ADAM8: variants seen among roughly 807,000 people sequenced by gnomAD.
ADAM8 encodes the protein ADAM metallopeptidase domain 8.
A neutral mutation model predicts 102.4 loss-of-function variants in ADAM8; 104 were observed. That is an observed-to-expected ratio of 1.02 (90% CI 0.87 to 1.20). ADAM8 has a LOEUF of 1.20. Ranked by LOEUF, ADAM8 falls within the 50% of genes most tolerant of loss-of-function variation. ADAM8 has a pLI of 0.00. For synonymous variants in ADAM8, 517 were observed against 485.2 expected, an observed-to-expected ratio of 1.07 and a Z score of -0.86; for missense variants, 1,132 against 1,159.0, an observed-to-expected ratio of 0.98 and a Z score of 0.34.
At chr10:133,268,535 CA>C in intron 19 of ADAM8, among the ~76,000 whole-genome samples, 1 of 152,234 alleles carries the variant, frequency 6.6e-6, no homozygotes. Context: ...GCCCCAGCCT[CA>C]GGGGAAGGTG....
At chr10:133,275,781 G>T (rs918203887) in intron 1 of ADAM8, 194 bp from the exon 2 acceptor site, 1 of 517,836 alleles carries the variant, frequency 1.9e-6, no homozygotes, top group Non-Finnish European at 3.3e-6. Flanking sequence ...AGGCATGGCC[G>T]GTGGGCCTGT....
chr10:133,273,607 G>T, intron 5 of ADAM8, 155 bp downstream of exon 5: 1 of 1,257,962 alleles, frequency 7.9e-7, no homozygotes, highest in Non-Finnish European at 1.1e-6. Flanking sequence ...TGAGCCTCTT[G>T]GGCTTGGCGT....
intron 2 of ADAM8, among the ~76,000 whole-genome samples, 199 bp downstream of exon 2, chr10:133,275,285 T>A (rs930280846): frequency 2.0e-5 from 3 of 151,974 alleles, no homozygotes; most frequent in African/African-American, 7.3e-5. Flanking sequence ...TCCATAGAGC[T>A]CCTGAAGGAA....
rs1228478910 is a variant in ADAM8, at chr10:133,263,160, G to A, written c.2471C>T (p.Pro824Leu). 2.5e-6 allele frequency: 4 copies of A among 1,613,886 alleles called. No individual in the cohort carries two copies. The highest frequency in any genetic ancestry group is 3.4e-6 in the Non-Finnish European group (4 of 1,179,918). Residue 824 changes from proline (P) to leucine (L), a missense_variant, in exon 23 of 23, where the codon CCC becomes CTC. Physicochemically the swap from Pro to Leu is moderately conservative, Grantham distance 98. Transcript: ENST00000445355. Reference sequence around the variant, plus strand: ...CACACAGGCGCAGGTGCCCCCCTAGGGTGCTGTGGGAGCTCCGGCTCCTTG... The same window carrying A: ...CACACAGGCGCAGGTGCCCCCCTAGAGTGCTGTGGGAGCTCCGGCTCCTTG... ...RKQGAGAPTA[P>L]
Position 133,272,500 on chromosome 10 carries a change from G to C in ADAM8, c.791C>G (p.Pro264Arg), listed in dbSNP as rs373307454. 188 of 1,612,162 alleles carry C rather than the reference G, an allele frequency of 1.2e-4. No individual in the cohort carries two copies. Among genetic ancestry groups the C allele is most frequent in the Admixed American group, 1.2e-4 (7 of 59,960 alleles). The change falls in exon 9 of 23, where the codon CCC (proline) becomes CGC (arginine). Residue 264 changes from proline (P) to arginine (R), a missense_variant. Pro to Arg is a moderately radical substitution (Grantham distance 103, BLOSUM62 -2). Transcript: ENST00000445355. ...CAGGAGGTTCTCCAGTGTGACACTG[G>C]GGTCGGGGCTGACGTGGAACCTGTC... ...SQDRFHVSPD[P>R]SVTLENLLTW...
intron 19 of ADAM8, 23 bp downstream of exon 19, chr10:133,268,725 G>A (rs770525462): frequency 1.7e-5 from 27 of 1,600,482 alleles, no homozygotes; most frequent in South Asian, 1.1e-4. Flanking sequence ...GCCACCCTCC[G>A]TCACAGCCCC....
Position 133,270,345 on chromosome 10 carries a change from G to A in ADAM8, c.1785+15C>T. On this transcript the variant is annotated intron_variant, in intron 16 of 22. Coordinates refer to ENST00000445355, the MANE Select transcript of ADAM8 (RefSeq NM_001109.5). ...ATGCCTGGGGGGTGGCGCGGCCTCT[G>A]AGCCAGGGGCTCACCTTCTCTGGTC... 6.4e-7 allele frequency: 1 copy of A among 1,573,968 alleles called. No individual in the cohort carries two copies. The highest frequency in any genetic ancestry group is 2.3e-5 in the East Asian group (1 of 44,000).
chr10:133,266,719 G>C (rs1268302284), intron 21 of ADAM8, among the ~76,000 whole-genome samples: 1 of 152,204 alleles, frequency 6.6e-6, no homozygotes, highest in African/African-American at 2.4e-5. Flanking sequence ...AGCTGAGTCA[G>C]TGGCCCCAGG....
Position 133,267,912 on chromosome 10 carries a change from C to A in ADAM8, c.2253+17G>T. On this transcript the variant is annotated intron_variant, in intron 20 of 22. Coordinates refer to ENST00000445355, the MANE Select transcript of ADAM8 (RefSeq NM_001109.5). ...CACTGCTTTCGGCCTCATGAACCCG[C>A]CAGGGGTGGTGCTTACAGCAGGGGG... 7.9e-7 allele frequency: 1 copy of A among 1,258,862 alleles called. No individual in the cohort carries two copies. The highest frequency in any genetic ancestry group is 1.0e-6 in the Non-Finnish European group (1 of 996,530). The allele number at this position is 1,258,862 out of a possible 1,614,324, so 78.0% of individuals were successfully genotyped here.
intron 21 of ADAM8, among the ~76,000 whole-genome samples, 167 bp downstream of exon 21, chr10:133,267,185 C>A (rs1846350430): frequency 6.6e-6 from 1 of 152,184 alleles, no homozygotes; most frequent in Admixed American, 6.5e-5. Flanking sequence ...GCCTCGCTGA[C>A]CTGCCTTTCT....
In ADAM8 at chr10:133,272,173, C is replaced by A; in HGVS notation, c.957+20G>T. 1.9e-6 allele frequency: 3 copies of A among 1,549,568 alleles called. No homozygotes were observed. Among genetic ancestry groups the A allele is most frequent in the Non-Finnish European group, 2.6e-6 (3 of 1,146,452 alleles). On this transcript the variant is annotated intron_variant, in intron 10 of 22. Coordinates refer to ENST00000445355, the MANE Select transcript of ADAM8 (RefSeq NM_001109.5). Reference sequence around the variant, plus strand: ...CAGCTCTGGCCTCGGCCTGGCAAACCCGGGCAGGAGCCCCCTCACCTGGTT... The same window carrying A: ...CAGCTCTGGCCTCGGCCTGGCAAACACGGGCAGGAGCCCCCTCACCTGGTT...
rs1221762260 is a variant in ADAM8 at position 133,273,789 on chromosome 10, G to C, written c.356C>G (p.Ala119Gly). The C allele has an allele frequency of 6.5e-7, 1 of 1,548,990 alleles. No homozygotes were observed. The highest frequency in any genetic ancestry group is 8.7e-7 in the Non-Finnish European group (1 of 1,146,828). The change falls in exon 5 of 23, where the codon GCC becomes GGC. Residue 119 changes from alanine (A) to glycine (G), a missense_variant. Transcript: ENST00000445355. ...GHVEGYPDSA[A>G]SLSTCAGLRG... Reference sequence around the variant, plus strand: ...GAGGCCGGCACAGGTGCTGAGGCTGGCGGCTGAGTCCGGGTACCCCTCTAC... The same window carrying C: ...GAGGCCGGCACAGGTGCTGAGGCTGCCGGCTGAGTCCGGGTACCCCTCTAC...
chr10:133,271,979 G>A, intron 10 of ADAM8, 25 bp from the exon 11 acceptor site: 1 of 1,600,654 alleles, frequency 6.2e-7, no homozygotes, highest in Non-Finnish European at 8.5e-7. Context: ...GTGCTCTCAG[G>A]AACCATGTGG....
At chr10:133,274,555 C>A (rs1283890555) in intron 2 of ADAM8, among the ~76,000 whole-genome samples, 1 of 151,344 alleles carries the variant, frequency 6.6e-6, no homozygotes, top group African/African-American at 2.4e-5. Flanking sequence ...AGGCGACCGG[C>A]GGAGCCCAGC....
intron 21 of ADAM8, 98 bp downstream of exon 21, chr10:133,267,254 G>T: frequency 7.4e-7 from 1 of 1,346,014 alleles, no homozygotes; most frequent in Non-Finnish European, 1.0e-6. Context: ...GGGGCCACCT[G>T]GGGATCCCTG....
rs576947417 is a variant in ADAM8 at position 133,263,137 on chromosome 10, C to G, written c.*19G>C. ...CTGCCGCAACTTCTCCAAATTTCCA[C>G]ACAGGCGCAGGTGCCCCCCTAGGGT... On this transcript the variant is annotated 3_prime_UTR_variant, in exon 23 of 23. Transcript: ENST00000445355. The G allele has an allele frequency of 6.2e-7, 1 of 1,614,056 alleles. No individual in the cohort carries two copies. Among genetic ancestry groups the G allele is most frequent in the East Asian group, 2.2e-5 (1 of 44,892 alleles).
chr10:133,269,063 A>T (rs144810725), intron 18 of ADAM8: 12 of 985,450 alleles, frequency 1.2e-5, no homozygotes, highest in Middle Eastern at 1.0e-3. Flanking sequence ...CCTGGGCCAC[A>T]GTGCTGTGGG....
chr10:133,273,161 C>A, intron 6 of ADAM8, 93 bp downstream of exon 6: 1 of 1,579,868 alleles, frequency 6.3e-7, no homozygotes, highest in Non-Finnish European at 8.6e-7. Flanking sequence ...AGACAATGGG[C>A]AGCACCCAGC....
intron 22 of ADAM8, 25 bp from the exon 23 acceptor site, chr10:133,263,258 T>C (rs778000373): frequency 2.5e-6 from 4 of 1,569,802 alleles, no homozygotes; most frequent in Non-Finnish European, 3.5e-6. Flanking sequence ...AGATAATTGA[T>C]GTTGAAAAAC....
Sources: gnomAD v4.1 joint callset for allele counts (sites outside exome capture counted in the v4.1 genomes callset) on GRCh38, gnomAD v4.1.1 for gene constraint, MANE v1.5 for transcripts, NCBI Gene and HGNC (gene_info 2026-07-23, HGNC 2026-07-21) for gene names.